MGAT5: variants seen among roughly 807,000 people sequenced by gnomAD.
The protein encoded by MGAT5 is alpha-1,6-mannosylglycoprotein 6-beta-N-acetylglucosaminyltransferase.
A neutral mutation model predicts 94.3 loss-of-function variants in MGAT5; 30 were observed. The ratio of observed to expected loss-of-function variants is 0.32; its 90% CI spans 0.24 to 0.43. The LOEUF (loss-of-function observed/expected upper bound fraction) is 0.43. Among genes scored for constraint, MGAT5 ranks in the 20% least tolerant of loss-of-function variants. MGAT5 has a pLI of 1.00. For synonymous variants in MGAT5, 310 were observed against 322.9 expected (o/e 0.96, Z 0.43); for missense variants, 691 against 905.5 (o/e 0.76, Z 3.04).
chr2:134,393,028 G>A (rs745925742), intron 10 of MGAT5, among the ~76,000 whole-genome samples: 3 of 152,258 alleles, frequency 2.0e-5, no homozygotes, highest in Non-Finnish European at 2.9e-5. Context: ...CTTGGGGACA[G>A]CGAGTTTGTG....
rs547407817 is a variant in MGAT5 at position 134,237,956 on chromosome 2, G to A, written c.-142-16306G>A. Among the ~76,000 whole-genome samples the A allele has an allele frequency of 7.9e-5, 12 of 152,052 alleles. No homozygotes were observed. In the South Asian group the frequency reaches 8.3e-4, roughly 11 times the overall value. On this transcript the variant is annotated intron_variant, in intron 1 of 16. Coordinates refer to the MGAT5 transcript ENST00000409645. Reference sequence around the variant, plus strand: ...AGTAGAGATGGTGTTTCACCATGTTGGCCAGGCTGATCTCCAACTCCTGAC... The same window carrying A: ...AGTAGAGATGGTGTTTCACCATGTTAGCCAGGCTGATCTCCAACTCCTGAC...
At chr2:134,447,492 T>A (rs1372400154) in intron 15 of MGAT5, among the ~76,000 whole-genome samples, 1 of 152,206 alleles carries the variant, frequency 6.6e-6, no homozygotes, top group African/African-American at 2.4e-5. Flanking sequence ...TGGAAGGGAA[T>A]CTGAGCCACA....
intron 10 of MGAT5, among the ~76,000 whole-genome samples, chr2:134,394,572 T>G (rs1273837856): frequency 6.6e-6 from 1 of 152,240 alleles, no homozygotes; most frequent in East Asian, 1.9e-4. Context: ...AGAAATACAC[T>G]AAAATGATTT....
intron 1 of MGAT5, among the ~76,000 whole-genome samples, chr2:134,197,864 G>A (rs1679575362): frequency 6.6e-6 from 1 of 152,174 alleles, no homozygotes; most frequent in African/African-American, 2.4e-5. Context: ...AAAAAGGGTA[G>A]GAGGAAGGGC....
intron 2 of MGAT5, among the ~76,000 whole-genome samples, chr2:134,289,322 G>C (rs1685202673): frequency 6.6e-6 from 1 of 152,130 alleles, no homozygotes; most frequent in African/African-American, 2.4e-5. Flanking sequence ...TTCTCTTCCA[G>C]GGTGCCGATC....
Position 134,177,778 on chromosome 2 carries a change from C to T in MGAT5, c.-143+57487C>T, listed in dbSNP as rs991804181. ...TCATGCAGGCTCGCAGTCAGCAGCA[C>T]GGAATGGCCGATGCTGACAATGAGA... On this transcript the variant is annotated intron_variant, in intron 1 of 16. Coordinates refer to the MGAT5 transcript ENST00000409645. Among the ~76,000 whole-genome samples the T allele has an allele frequency of 3.3e-5, 5 of 152,154 alleles. No homozygotes were observed. In the East Asian group the frequency reaches 5.8e-4, roughly 18 times the overall value.
intron 8 of MGAT5, 56 bp from the exon 9 acceptor site, chr2:134,349,749 C>G: frequency 6.3e-7 from 1 of 1,596,794 alleles, no homozygotes; most frequent in Non-Finnish European, 8.5e-7. Context: ...GAGCTTTTAC[C>G]TTTTCAACTT....
intron 4 of MGAT5, among the ~76,000 whole-genome samples, chr2:134,328,719 T>C (rs1018659336): frequency 2.0e-5 from 3 of 151,960 alleles, no homozygotes; most frequent in African/African-American, 7.3e-5. Flanking sequence ...CTCAAGGAGC[T>C]TGCATGCAGA....
intron 9 of MGAT5, among the ~76,000 whole-genome samples, chr2:134,355,140 TGTAA>T (rs1280925032): frequency 2.0e-5 from 3 of 152,230 alleles, no homozygotes; most frequent in Non-Finnish European, 4.4e-5. Flanking sequence ...TAAAACTCTA[TGTAA>T]GTGACTTCCT....
chr2:134,247,159 A>T (rs1682318389), intron 1 of MGAT5, among the ~76,000 whole-genome samples: 1 of 152,174 alleles, frequency 6.6e-6, no homozygotes, highest in South Asian at 2.1e-4. Flanking sequence ...GTAAATTGAG[A>T]TGGAGGCTGA....
At chr2:134,318,116 G>A (rs1573784935) in intron 3 of MGAT5, among the ~76,000 whole-genome samples, 1 of 152,200 alleles carries the variant, frequency 6.6e-6, no homozygotes, top group East Asian at 1.9e-4. Context: ...CTGCCCCTGG[G>A]GAGACCACTC....
intron 1 of MGAT5, among the ~76,000 whole-genome samples, chr2:134,162,326 G>T (rs892841160): frequency 2.6e-5 from 4 of 152,168 alleles, no homozygotes; most frequent in Non-Finnish European, 5.9e-5. Flanking sequence ...GAAACTCTGG[G>T]CCTGATTTAG....
intron 9 of MGAT5, among the ~76,000 whole-genome samples, chr2:134,352,434 G>A (rs1177406838): frequency 6.6e-6 from 1 of 152,150 alleles, no homozygotes; most frequent in Non-Finnish European, 1.5e-5. Flanking sequence ...AGTGATAAGA[G>A]CCAACGTGCA....
At chr2:134,136,333 G>A (rs937645356) in intron 1 of MGAT5, among the ~76,000 whole-genome samples, 3 of 152,198 alleles carry the variant, frequency 2.0e-5, no homozygotes, top group South Asian at 2.1e-4. Context: ...TTGGGAGGCC[G>A]AGGTGGGCGG....
chr2:134,406,756 G>A lies in MGAT5; in HGVS notation c.1530+3619G>A, dbSNP rs189585936. Among the ~76,000 whole-genome samples, 50 of 151,970 alleles carry A rather than the reference G, an allele frequency of 3.3e-4. No individual in the cohort carries two copies. In the East Asian group the frequency reaches 7.0e-3, roughly 21 times the overall value. ...CAAAAAAAAAAAAAAATAGCTGTGC[G>A]TGGTGGCATTTACCTGCAGTTCTAG... On this transcript the variant is annotated intron_variant, in intron 11 of 15. Transcript: ENST00000281923.
chr2:134,421,087 T>C (rs928604772), intron 12 of MGAT5, among the ~76,000 whole-genome samples: 13 of 152,336 alleles, frequency 8.5e-5, no homozygotes, highest in East Asian at 5.8e-4. Context: ...TTGCCAGTAA[T>C]GTGATAGCTC....
At position 134,341,685 on chromosome 2, in the gene MGAT5, G is replaced by T. The variant is rs758260126; in HGVS notation, c.903G>T (p.Trp301Cys). 6.2e-7 allele frequency: 1 copy of T among 1,613,432 alleles called. No individual in the cohort carries two copies. The highest frequency in any genetic ancestry group is 8.5e-7 in the Non-Finnish European group (1 of 1,179,606). ...SGGPLGELVQWSDLITSLYLL... is the reference protein window; with the variant it reads ...SGGPLGELVQCSDLITSLYLL... ...GCCCTCTTGGTGAATTAGTTCAATG[G>T]AGTGATTTAATTACATCTCTGTACT... The change falls in exon 7 of 16, where the codon TGG becomes TGT. Residue 301 changes from tryptophan (W) to cysteine (C), a missense_variant. Around this residue, in one of 4 missense-constraint regions of MGAT5, gnomAD observed 121 missense variants for 206.1 expected, o/e 0.59. Transcript: ENST00000281923.
chr2:134,442,035 T>A, intron 15 of MGAT5, 120 bp downstream of exon 15: 1 of 1,150,920 alleles, frequency 8.7e-7, no homozygotes. Context: ...GGATAAGGTG[T>A]GGGAGGGGAG....
intron 15 of MGAT5, among the ~76,000 whole-genome samples, chr2:134,446,068 C>A (rs569834524): frequency 1.3e-5 from 2 of 152,100 alleles, no homozygotes; most frequent in Non-Finnish European, 2.9e-5. Context: ...ATTCCACAGC[C>A]GAATCCATCA....
Sources: gnomAD v4.1 joint callset for allele counts (sites outside exome capture counted in the v4.1 genomes callset) on GRCh38, gnomAD v4.1.1 for gene constraint, gnomAD v4.1.1 regional missense constraint, MANE v1.5 for transcripts, NCBI Gene and HGNC (gene_info 2026-07-23, HGNC 2026-07-21) for gene names.